MYO9A: variants seen among roughly 807,000 people sequenced by gnomAD.
The protein encoded by MYO9A is myosin IXA.
A neutral mutation model predicts 293.3 loss-of-function variants in MYO9A; 103 were observed. The observed-to-expected ratio is 0.35, with a 90% confidence interval of 0.30 to 0.41. MYO9A has a LOEUF of 0.41. Among genes scored for constraint, MYO9A ranks in the 10% least tolerant of loss-of-function variants. The pLI, the probability that MYO9A is intolerant of heterozygous loss-of-function variation, is 1.00. For missense variants in MYO9A, 2,685 were observed against 3,033.0 expected (o/e 0.89, Z 2.69); for synonymous variants, 1,001 against 1,035.7 (o/e 0.97, Z 0.64).
At chr15:71,879,997 T>G (rs1041110471) in intron 29 of MYO9A, among the ~76,000 whole-genome samples, 160 bp from the exon 30 acceptor site, 1 of 152,244 alleles carries the variant, frequency 6.6e-6, no homozygotes, top group Non-Finnish European at 1.5e-5. Flanking sequence ...ACAGTCAAAC[T>G]ATAATTACTA....
At chr15:71,981,608 G>A (rs1178796474) in intron 11 of MYO9A, among the ~76,000 whole-genome samples, 1 of 151,062 alleles carries the variant, frequency 6.6e-6, no homozygotes, top group Non-Finnish European at 1.5e-5. Context: ...CTATCACTGG[G>A]ATTTTGGTTA....
intron 36 of MYO9A, among the ~76,000 whole-genome samples, chr15:71,851,773 G>A (rs907388901): frequency 6.6e-6 from 1 of 152,122 alleles, no homozygotes; most frequent in Non-Finnish European, 1.5e-5. Context: ...GCATAAAACA[G>A]CCAGCTTTAC....
intron 17 of MYO9A, among the ~76,000 whole-genome samples, chr15:71,934,456 T>C (rs2058569512): frequency 6.6e-6 from 1 of 152,136 alleles, no homozygotes. Context: ...AAGACCTACA[T>C]AAATAGAACC....
At chr15:71,846,103 C>G (rs1247573348) in intron 39 of MYO9A, among the ~76,000 whole-genome samples, 1 of 152,116 alleles carries the variant, frequency 6.6e-6, no homozygotes, top group East Asian at 1.9e-4. Flanking sequence ...GGTGTGAATG[C>G]CAACACCCAG....
chr15:71,845,151 A>G (rs1395791403), intron 39 of MYO9A, among the ~76,000 whole-genome samples: 2 of 152,172 alleles, frequency 1.3e-5, no homozygotes, highest in Non-Finnish European at 2.9e-5. Context: ...TGCTTTCCTG[A>G]TAAGGAGAGA....
chr15:72,113,264 A>G (rs1410429853), intron 1 of MYO9A, among the ~76,000 whole-genome samples: 1 of 152,174 alleles, frequency 6.6e-6, no homozygotes, highest in African/African-American at 2.4e-5. Flanking sequence ...ACTTAATCTG[A>G]AAAGAGGTAA....
At chr15:71,909,225 G>T (rs905826369) in intron 19 of MYO9A, among the ~76,000 whole-genome samples, 2 of 152,154 alleles carry the variant, frequency 1.3e-5, no homozygotes, top group Admixed American at 1.3e-4. Flanking sequence ...TCTGTGTACA[G>T]GTTATTGTGT....
intron 35 of MYO9A, among the ~76,000 whole-genome samples, chr15:71,852,582 C>T (rs970042570): frequency 6.6e-6 from 1 of 152,022 alleles, no homozygotes; most frequent in East Asian, 1.9e-4. Flanking sequence ...AGGCTGGTCT[C>T]GAACTCCCAA....
At chr15:71,923,406 C>A (rs1444816727) in intron 18 of MYO9A, among the ~76,000 whole-genome samples, 1 of 152,162 alleles carries the variant, frequency 6.6e-6, no homozygotes, top group African/African-American at 2.4e-5. Flanking sequence ...TCTCTCCTCT[C>A]CATTTTTCTG....
intron 1 of MYO9A, among the ~76,000 whole-genome samples, chr15:72,092,944 G>C (rs545628423): frequency 6.9e-5 from 10 of 144,186 alleles, no homozygotes; most frequent in South Asian, 2.2e-4. Context: ...CACACACACA[G>C]AGATTTGAGG....
intron 6 of MYO9A, 133 bp from the exon 7 acceptor site, chr15:72,010,580 A>T: frequency 8.8e-6 from 6 of 682,292 alleles, no homozygotes; most frequent in Non-Finnish European, 1.5e-5. Flanking sequence ...GAATAGTAAG[A>T]CCTAGTCAAA....
rs1265624807 is a variant in MYO9A, at chr15:71,897,679, T to C, written c.4824A>G (p.Lys1608=). 6.2e-7 allele frequency: 1 copy of C among 1,614,174 alleles called. No homozygotes were observed. The highest frequency in any genetic ancestry group is 2.2e-5 in the East Asian group (1 of 44,886). The change falls in exon 25 of 42, where the codon AAA becomes AAG. Residue 1608 remains lysine, a synonymous_variant. Coordinates refer to ENST00000356056, the MANE Select transcript of MYO9A (RefSeq NM_006901.4). ...CAGTACTAGATTGGCATGGACTTCC[T>C]TTTCTTTCAAAGAACACGGTGACAG... is the stretch of plus-strand genomic sequence containing the variant. ...DRPVTVFFER[K]GSPCQSSTVK... is the part of the protein sequence containing the mutation.
At chr15:71,952,922 A>C (rs907821510) in intron 14 of MYO9A, among the ~76,000 whole-genome samples, 4 of 152,194 alleles carry the variant, frequency 2.6e-5, no homozygotes, top group African/African-American at 9.6e-5. Context: ...GGCATATTTT[A>C]GTCTCATTCT....
chr15:72,091,265 T>C (rs1313337169), intron 1 of MYO9A, among the ~76,000 whole-genome samples: 1 of 152,138 alleles, frequency 6.6e-6, no homozygotes, highest in Non-Finnish European at 1.5e-5. Context: ...TATAACAAAT[T>C]TACTGAATTT....
chr15:72,101,203 G>T (rs1327248360), intron 1 of MYO9A, among the ~76,000 whole-genome samples: 41 of 128,420 alleles, frequency 3.2e-4, no homozygotes, highest in African/African-American at 1.2e-3. Context: ...GAAGTGAGGA[G>T]CCCCTCTGCC....
chr15:72,019,045 A>G lies in MYO9A; in HGVS notation c.1149T>C (p.Ser383=), dbSNP rs2077423150. The part of the protein sequence containing the change: ...RQSWDDYCYD[S]EPDCFTVEGE... Reference sequence around the variant, plus strand: ...TTTAGGTACTTGTACTGACCGGCTCAGAGTCATAGCAATAATCATCCCAGC... The same window carrying G: ...TTTAGGTACTTGTACTGACCGGCTCGGAGTCATAGCAATAATCATCCCAGC... Residue 383 remains serine (S), a synonymous_variant, in exon 6 of 42, where the codon TCT becomes TCC. Coordinates refer to ENST00000356056, the MANE Select transcript of MYO9A (RefSeq NM_006901.4). 2 of 1,613,614 alleles carry G rather than the reference A, an allele frequency of 1.2e-6. No individual in the cohort carries two copies. Among genetic ancestry groups the G allele is most frequent in the South Asian group, 2.2e-5 (2 of 91,084 alleles).
At chr15:71,945,432 G>A (rs1567302786) in intron 15 of MYO9A, among the ~76,000 whole-genome samples, 1 of 152,090 alleles carries the variant, frequency 6.6e-6, no homozygotes, top group Non-Finnish European at 1.5e-5. Flanking sequence ...TTTTTGCCAT[G>A]TGCTTTCTGT....
At chr15:71,971,832 C>T (rs2076019982) in intron 12 of MYO9A, among the ~76,000 whole-genome samples, 1 of 150,938 alleles carries the variant, frequency 6.6e-6, no homozygotes, top group Admixed American at 6.6e-5. Flanking sequence ...GGTTTTCATC[C>T]ACGGTTCCTG....
At chr15:72,081,473 T>C (rs1453587904) in intron 1 of MYO9A, among the ~76,000 whole-genome samples, 2 of 135,404 alleles carry the variant, frequency 1.5e-5, no homozygotes, top group Non-Finnish European at 3.2e-5. Context: ...AGATGCAGTT[T>C]CCAAAACTTT....
Sources: allele counts gnomAD v4.1 joint callset (sites outside exome capture counted in the v4.1 genomes callset), GRCh38; gene constraint gnomAD v4.1.1; transcripts MANE v1.5; gene names NCBI Gene and HGNC (gene_info 2026-07-23, HGNC 2026-07-21).